SULT1B1: variants seen among roughly 807,000 people sequenced by gnomAD.
The protein encoded by SULT1B1 is sulfotransferase 1B1.
SULT1B1 carries 28 observed loss-of-function variants against 34.6 expected under a neutral mutation model. The observed-to-expected ratio is 0.81, with a 90% CI of 0.60 to 1.11. SULT1B1 has a LOEUF of 1.11. Among genes scored for constraint, SULT1B1 ranks in the 50% least tolerant of loss-of-function variants. SULT1B1 has a pLI of 0.00. For missense variants in SULT1B1, 374 were observed against 352.2 expected, an observed-to-expected ratio of 1.06 and a Z score of -0.50; for synonymous variants, 147 against 110.2, an observed-to-expected ratio of 1.33 and a Z score of -2.09.
chr4:69,749,917 A>G, intron 3 of SULT1B1, 99 bp from the exon 4 acceptor site: 1 of 790,648 alleles, frequency 1.3e-6, no homozygotes, highest in South Asian at 1.5e-5. Flanking sequence ...TTTGAGCATT[A>G]TGTAATGCAG....
rs994737492 is a variant in SULT1B1 at position 69,723,299 on chromosome 4, C to T, written c.*3789G>A. 2.0e-5 allele frequency: 3 copies of T among 152,152 alleles called. No individual in the cohort carries two copies. Among genetic ancestry groups the T allele is most frequent in the Admixed American group, 1.3e-4 (2 of 15,268 alleles). The allele number at this position is 152,152 out of a possible 1,614,324, so 9.4% of individuals were successfully genotyped here. A position where few individuals can be genotyped will look rare whatever the true frequency, so the allele number is the denominator to read the frequency against. ...GAAGAAATGGATAAATTCCTCGACA[C>T]ATACACCCTCCCAAGAATAAACCAG... On this transcript the variant is annotated 3_prime_UTR_variant, in exon 8 of 8. Coordinates refer to ENST00000310613, the MANE Select transcript of SULT1B1 (RefSeq NM_014465.4).
At chr4:69,728,359 T>A (rs998423647) in intron 7 of SULT1B1, among the ~76,000 whole-genome samples, 2 of 152,058 alleles carry the variant, frequency 1.3e-5, no homozygotes, top group African/African-American at 4.8e-5. Context: ...ACATTGGACA[T>A]AATCTATCCC....
chr4:69,730,602 T>C lies in SULT1B1; in HGVS notation c.677A>G (p.His226Arg), dbSNP rs529343784. 3 of 1,613,368 alleles carry C rather than the reference T, an allele frequency of 1.9e-6. No homozygotes were observed. The South Asian group carries it at 3.3e-5, about 18-fold the overall frequency. The change falls in exon 7 of 8, where the codon CAT (histidine) becomes CGT (arginine). Residue 226 changes from histidine to arginine, a missense_variant. Transcript: ENST00000310613. Reference sequence around the variant, plus strand: ...CTTCATCACTTCAAATGAGGTGTGATGGATGATCCTATCCAAGATCTCATC... The same window carrying C: ...CTTCATCACTTCAAATGAGGTGTGACGGATGATCCTATCCAAGATCTCATC... ...LNDEILDRII[H>R]HTSFEVMKDN...
At chr4:69,750,359 C>T (rs188770689) in intron 3 of SULT1B1, among the ~76,000 whole-genome samples, 1 of 152,086 alleles carries the variant, frequency 6.6e-6, no homozygotes, top group African/African-American at 2.4e-5. Context: ...TATGTATAGA[C>T]AGTAAAAATG....
intron 7 of SULT1B1, among the ~76,000 whole-genome samples, chr4:69,728,827 G>A (rs1717945138): frequency 6.6e-6 from 1 of 152,014 alleles, no homozygotes; most frequent in African/African-American, 2.4e-5. Flanking sequence ...TTTTGCCAGT[G>A]ATGTAATCAG....
intron 4 of SULT1B1, among the ~76,000 whole-genome samples, chr4:69,738,893 G>C (rs929483051): frequency 2.6e-5 from 4 of 152,090 alleles, no homozygotes; most frequent in Admixed American, 2.6e-4. Flanking sequence ...GGAAAAAAAT[G>C]GTTGAAACAA....
intron 4 of SULT1B1, among the ~76,000 whole-genome samples, chr4:69,749,422 A>G (rs1053531808): frequency 6.6e-6 from 1 of 152,144 alleles, no homozygotes; most frequent in Non-Finnish European, 1.5e-5. Context: ...ATAAGGACTA[A>G]CGTCCTTAAG....
At chr4:69,728,991 G>A (rs940249295) in intron 7 of SULT1B1, among the ~76,000 whole-genome samples, 3 of 151,904 alleles carry the variant, frequency 2.0e-5, no homozygotes, top group Non-Finnish European at 4.4e-5. Context: ...TTTCTATTGA[G>A]GTTGGAGAAG....
intron 5 of SULT1B1, 109 bp from the exon 6 acceptor site, chr4:69,733,616 G>A: frequency 1.3e-6 from 1 of 756,144 alleles, no homozygotes; most frequent in South Asian, 2.3e-5. Flanking sequence ...ACCAAAGGAA[G>A]TAAGAATATG....
rs1204396076 is a variant in SULT1B1, at chr4:69,749,808, T to C, written c.288A>G (p.Gln96=). ...TCCGGGGTGATGGATTCTTCTCCAA[T>C]TGTTCTATACCTGAGAAATTTAGTT... is the stretch of plus-strand genomic sequence containing the variant. ...LPGLRTSGIE[Q]LEKNPSPRIV... is the part of the protein sequence containing the mutation. Residue 96 remains glutamine, a synonymous_variant, in exon 4 of 8, where the codon CAA becomes CAG. Coordinates refer to ENST00000310613, the MANE Select transcript of SULT1B1 (RefSeq NM_014465.4). 1.2e-6 allele frequency: 2 copies of C among 1,612,678 alleles called. No homozygotes were observed. The highest frequency in any genetic ancestry group is 1.7e-6 in the Non-Finnish European group (2 of 1,178,920).
At chr4:69,731,960 G>A (rs1184002956) in intron 6 of SULT1B1, among the ~76,000 whole-genome samples, 2 of 152,208 alleles carry the variant, frequency 1.3e-5, no homozygotes, top group African/African-American at 4.8e-5. Flanking sequence ...ACTATTGCCA[G>A]AAGCTAAAAT....
chr4:69,730,097 T>TGGG, intron 7 of SULT1B1, among the ~76,000 whole-genome samples: 1 of 152,060 alleles, frequency 6.6e-6, no homozygotes, highest in Non-Finnish European at 1.5e-5. Flanking sequence ...GTTTTCTAAG[T>TGGG]GATATGGGGA....
intron 1 of SULT1B1, among the ~76,000 whole-genome samples, chr4:69,759,640 G>T (rs1341977363): frequency 6.6e-6 from 1 of 152,168 alleles, no homozygotes; most frequent in Non-Finnish European, 1.5e-5. Context: ...GAAGAGTATG[G>T]AGAGGAGGAC....
chr4:69,746,575 G>A (rs1718753706), intron 4 of SULT1B1, among the ~76,000 whole-genome samples: 1 of 152,028 alleles, frequency 6.6e-6, no homozygotes, highest in Non-Finnish European at 1.5e-5. Context: ...CTTTCTCAAC[G>A]TGTCTATGTT....
intron 3 of SULT1B1, among the ~76,000 whole-genome samples, chr4:69,752,832 C>A (rs1229928974): frequency 6.6e-6 from 1 of 152,194 alleles, no homozygotes; most frequent in Non-Finnish European, 1.5e-5. Context: ...ATTTGTTTCC[C>A]AGGATTCCAG....
chr4:69,734,327 A>G (rs1030567230), intron 4 of SULT1B1, 63 bp from the exon 5 acceptor site: 3 of 1,552,118 alleles, frequency 1.9e-6, no homozygotes, highest in South Asian at 2.4e-5. Flanking sequence ...TTAGGAAAAA[A>G]TTAACCTATA....
chr4:69,755,234 A>T lies in SULT1B1; in HGVS notation c.-17T>A. 1 of 1,610,442 alleles carries T rather than the reference A, an allele frequency of 6.2e-7. No individual in the cohort carries two copies. Among genetic ancestry groups the T allele is most frequent in the Non-Finnish European group, 8.5e-7 (1 of 1,176,784 alleles). On this transcript the variant is annotated 5_prime_UTR_variant, in exon 2 of 8. Coordinates refer to ENST00000310613, the MANE Select transcript of SULT1B1 (RefSeq NM_014465.4). ...GGAAAGCATTTTAATACCAGATTGTACAAATATATAATAGATTGACAGTTG... is the reference window on the plus strand; with the variant it reads ...GGAAAGCATTTTAATACCAGATTGTTCAAATATATAATAGATTGACAGTTG...
chr4:69,749,905 T>C, intron 3 of SULT1B1, 87 bp from the exon 4 acceptor site: 2 of 917,788 alleles, frequency 2.2e-6, no homozygotes, highest in Non-Finnish European at 1.8e-6. Flanking sequence ...TTTCAAGACA[T>C]TTTTGAGCAT....
chr4:69,750,182 T>G (rs1718924519), intron 3 of SULT1B1, among the ~76,000 whole-genome samples: 1 of 152,156 alleles, frequency 6.6e-6, no homozygotes, highest in East Asian at 1.9e-4. Context: ...AAATGACTAT[T>G]TAAATGTTTT....
Sources: gnomAD v4.1 joint callset for allele counts (sites outside exome capture counted in the v4.1 genomes callset) on GRCh38, gnomAD v4.1.1 for gene constraint, MANE v1.5 for transcripts, NCBI Gene and HGNC (gene_info 2026-07-23, HGNC 2026-07-21) for gene names.